Variants in DLX4 observed in about 807,000 individuals in gnomAD.
DLX4 encodes distal-less homeobox 4, also known as homeobox protein DLX-4.
A neutral mutation model predicts 17.1 loss-of-function variants in DLX4; 13 were observed. The ratio of observed to expected loss-of-function variants is 0.76; its 90% CI spans 0.49 to 1.21. The LOEUF is 1.21. Ranked by LOEUF, DLX4 falls within the 50% of genes most tolerant of loss-of-function variation. The pLI is 0.00. For synonymous variants in DLX4, 129 were observed against 140.3 expected, an observed-to-expected ratio of 0.92 and a Z score of 0.57; for missense variants, 297 against 301.4, an observed-to-expected ratio of 0.99 and a Z score of 0.11.
At position 49,969,747 on chromosome 17, in the gene DLX4, G is replaced by A. The variant is rs763930695; in HGVS notation, c.279G>A (p.Glu93=). The change falls in exon 1 of 3, where the codon GAG becomes GAA. Residue 93 remains glutamate, a synonymous_variant. Transcript: ENST00000240306. ...CTGCAGAGCACCCTCAGGAACTCGA[G>A]GCAGGTAAGTTCGGCCGTGGAGGCT... ...CGPAEHPQEL[E]ADSEKPRLSP... 13 of 1,592,060 alleles carry A rather than the reference G, an allele frequency of 8.2e-6. No homozygotes were observed. In the African/African-American group the frequency reaches 1.5e-4, roughly 18 times the overall value.
In DLX4 at chr17:49,972,299, C is replaced by T; in HGVS notation, c.284-774C>T. On this transcript the variant is annotated intron_variant, in intron 1 of 2. Transcript: ENST00000240306. This position sits in a 1 kb window ranked among gnomAD's most constrained non-coding sequence, Gnocchi z 5.4. ...GGAGTGGCCCCGCCGGGCTACGCTG[C>T]GCGCTCTTGGAACCCGGGTCACCTT... The T allele has an allele frequency of 6.6e-6, 1 of 152,474 alleles. No individual in the cohort carries two copies. Among genetic ancestry groups the T allele is most frequent in the Non-Finnish European group, 1.5e-5 (1 of 68,160 alleles). The allele number at this position is 152,474 out of a possible 1,614,324, so 9.4% of individuals were successfully genotyped here. A position where few individuals can be genotyped will look rare whatever the true frequency, so the allele number is the denominator to read the frequency against.
chr17:49,970,165 G>C (rs1347528832), intron 1 of DLX4, among the ~76,000 whole-genome samples: 1 of 152,084 alleles, frequency 6.6e-6, no homozygotes, highest in African/African-American at 2.4e-5. Context: ...CCCTCTCTGC[G>C]TTAGTCTTGT....
intron 1 of DLX4, among the ~76,000 whole-genome samples, chr17:49,970,369 C>A (rs1905464412): frequency 6.6e-6 from 1 of 152,168 alleles, no homozygotes; most frequent in Non-Finnish European, 1.5e-5. Flanking sequence ...ATCCATTGTT[C>A]TGAGAAGGTA....
rs181937458 is a variant in DLX4, at chr17:49,970,041, T to G, written c.283+290T>G. On this transcript the variant is annotated intron_variant, in intron 1 of 2. Coordinates refer to ENST00000240306, the MANE Select transcript of DLX4 (RefSeq NM_138281.3). ...CCCCACCTGGAGCAGCGGGGCTGTC[T>G]GTACCTACTAGTAACGGAAAACTGA... Among the ~76,000 whole-genome samples, 425 of 152,250 alleles carry G rather than the reference T, an allele frequency of 2.8e-3. 2 individuals carry two copies. Among genetic ancestry groups the G allele is most frequent in the African/African-American group, 9.9e-3 (412 of 41,528 alleles).
Position 49,972,568 on chromosome 17 carries a change from C to T in DLX4, c.284-505C>T, listed in dbSNP as rs77107377. 7.7e-3 allele frequency: 2,043 copies of T among 266,708 alleles called. 34 individuals are homozygous for T. The highest frequency in any genetic ancestry group is 0.043 in the African/African-American group (1,892 of 44,080). The allele number at this position is 266,708 out of a possible 1,614,324, so 16.5% of individuals were successfully genotyped here. A position where few individuals can be genotyped will look rare whatever the true frequency, so the allele number is the denominator to read the frequency against. The stretch of plus-strand genomic sequence containing the variant: ...GTATTCAAGGTCCTCTCAGCCGGGC[C>T]TCTCACCCACCCCGCTGGCCGCAGC... On this transcript the variant is annotated intron_variant, in intron 1 of 2. Coordinates refer to ENST00000240306, the MANE Select transcript of DLX4 (RefSeq NM_138281.3). The surrounding 1 kb of genome is among the most constrained non-coding windows in gnomAD (Gnocchi z 5.4).
At position 49,974,556 on chromosome 17, in the gene DLX4, GGACCTAT is replaced by G. The variant is rs1049388734; in HGVS notation, c.*615_*621del. 1 of 144,552 alleles carries G rather than the reference GGACCTAT, an allele frequency of 6.9e-6. No individual in the cohort carries two copies. Among genetic ancestry groups the G allele is most frequent in the Non-Finnish European group, 1.5e-5 (1 of 66,910 alleles). The allele number at this position is 144,552 out of a possible 1,614,324, so 9.0% of individuals were successfully genotyped here. A position where few individuals can be genotyped will look rare whatever the true frequency, so the allele number is the denominator to read the frequency against. On this transcript the variant is annotated 3_prime_UTR_variant, in exon 3 of 3. Coordinates refer to ENST00000240306, the MANE Select transcript of DLX4 (RefSeq NM_138281.3). Reference sequence around the variant, plus strand: ...AGATGCAGAGAAATGTGGAATTTGTGGACCTATGGGTAATTTATGCTTTCCTCCTAAA... The same window carrying G: ...AGATGCAGAGAAATGTGGAATTTGTGGGGTAATTTATGCTTTCCTCCTAAA...
intron 1 of DLX4, among the ~76,000 whole-genome samples, chr17:49,970,548 G>T (rs1354021099): frequency 2.0e-5 from 3 of 152,220 alleles, no homozygotes; most frequent in Non-Finnish European, 2.9e-5. Context: ...TCACTGGAAG[G>T]CCTCAATGAA....
chr17:49,973,671 CT>C, intron 2 of DLX4, 29 bp from the exon 3 acceptor site: 2 of 1,495,620 alleles, frequency 1.3e-6, no homozygotes, highest in Non-Finnish European at 1.8e-6. Flanking sequence ...TCCTCCTGAT[CT>C]TTCATTCTTT....
chr17:49,973,756 A>C lies in DLX4; in HGVS notation c.536A>C (p.Asn179Thr). ...AAGTATAAGAAGCTCCTGAAGCAGA[A>C]TTCTGGGGGGCAGGAAGGGGACTTC... ...RSKYKKLLKQ[N>T]SGGQEGDFPG... The change falls in exon 3 of 3, where the codon AAT becomes ACT. Residue 179 changes from asparagine (N) to threonine (T), a missense_variant. Coordinates refer to ENST00000240306, the MANE Select transcript of DLX4 (RefSeq NM_138281.3). The C allele has an allele frequency of 6.5e-7, 1 of 1,549,028 alleles. No homozygotes were observed.
Position 49,969,242 on chromosome 17 carries a change from A to AG in DLX4, c.-220dup, listed in dbSNP as rs1022271659. 5 of 408,438 alleles carry AG rather than the reference A, an allele frequency of 1.2e-5. No homozygotes were observed. Among genetic ancestry groups the AG allele is most frequent in the South Asian group, 6.7e-5 (1 of 14,960 alleles). 25.3% of individuals were successfully genotyped at this position (408,438 alleles called of 1,614,324 possible). A position where few individuals can be genotyped will look rare whatever the true frequency, so the allele number is the denominator to read the frequency against. ...GAGAGGAGGGGGCCCCCATGGATTT[A>AG]GGGGGGGAGGGGAAAGTCATGGGGG... On this transcript the variant is annotated 5_prime_UTR_variant, in exon 1 of 3. The change abolishes the stop of an existing upstream ORF in the 5' untranslated region. Transcript: ENST00000240306.
In DLX4 at chr17:49,972,940, G is replaced by A. The variant is rs547353326; in HGVS notation, c.284-133G>A. 1.1e-5 allele frequency: 17 copies of A among 1,496,538 alleles called. No homozygotes were observed. The African/African-American group carries it at 2.0e-4, about 17-fold the overall frequency. 92.7% of individuals were successfully genotyped at this position (1,496,538 alleles called of 1,614,324 possible). A position where few individuals can be genotyped will look rare whatever the true frequency, so the allele number is the denominator to read the frequency against. On this transcript the variant is annotated intron_variant, in intron 1 of 2. Coordinates refer to ENST00000240306, the MANE Select transcript of DLX4 (RefSeq NM_138281.3). The surrounding 1 kb of genome is among the most constrained non-coding windows in gnomAD (Gnocchi z 5.4). ...GGTAGAGGGCAGGGGCCAAGGGGGC[G>A]ATCCTGGTGGCTGCGCTTTTTGCTA...
In DLX4 at chr17:49,972,721, A is replaced by C; in HGVS notation, c.284-352A>C. On this transcript the variant is annotated intron_variant, in intron 1 of 2. Coordinates refer to ENST00000240306, the MANE Select transcript of DLX4 (RefSeq NM_138281.3). This position sits in a 1 kb window ranked among gnomAD's most constrained non-coding sequence, Gnocchi z 5.4. The stretch of plus-strand genomic sequence containing the variant: ...GGACCTAGCCTTTCTGCCCCGCCCT[A>C]CCCCAAGCTGGCGCCACCGCCCGTG... 1 of 1,359,098 alleles carries C rather than the reference A, an allele frequency of 7.4e-7. No homozygotes were observed. The highest frequency in any genetic ancestry group is 9.4e-7 in the Non-Finnish European group (1 of 1,060,380). 84.2% of individuals were successfully genotyped at this position (1,359,098 alleles called of 1,614,324 possible).
intron 2 of DLX4, 87 bp downstream of exon 2, chr17:49,973,356 G>A (rs765563815): frequency 1.3e-6 from 2 of 1,526,854 alleles, no homozygotes; most frequent in South Asian, 2.4e-5. Flanking sequence ...AATGACTGAT[G>A]GATTGGTGCT....
intron 2 of DLX4, 33 bp downstream of exon 2, chr17:49,973,302 C>A: frequency 6.2e-7 from 1 of 1,608,384 alleles, no homozygotes; most frequent in Non-Finnish European, 8.5e-7. Context: ...CCATCTCTCA[C>A]CTTCCCTGGT....
rs1905605794 is a variant in DLX4 at position 49,973,606 on chromosome 17, G to C, written c.481-95G>C. ...GCCTAGGGAACTGCTGGTCTCCCAG[G>C]ACTGTGCCTGCACCTGGATCCCTTT... On this transcript the variant is annotated intron_variant, in intron 2 of 2. Transcript: ENST00000240306. 11 of 1,436,766 alleles carry C rather than the reference G, an allele frequency of 7.7e-6. No individual in the cohort carries two copies. The South Asian group carries it at 1.3e-4, about 17-fold the overall frequency. 89.0% of individuals were successfully genotyped at this position (1,436,766 alleles called of 1,614,324 possible). A position where few individuals can be genotyped will look rare whatever the true frequency, so the allele number is the denominator to read the frequency against.
At chr17:49,969,968 G>C (rs1245955828) in intron 1 of DLX4, among the ~76,000 whole-genome samples, 1 of 152,090 alleles carries the variant, frequency 6.6e-6, no homozygotes, top group Non-Finnish European at 1.5e-5. Flanking sequence ...AACCGACCTG[G>C]TTTCGATTTG....
chr17:49,972,678 A>G lies in DLX4; in HGVS notation c.284-395A>G. On this transcript the variant is annotated intron_variant, in intron 1 of 2. Transcript: ENST00000240306. This position sits in a 1 kb window ranked among gnomAD's most constrained non-coding sequence, Gnocchi z 5.4. ...GCAATGTCCTTCCTCTGTCATCTCTAGGCCTCGGCTCAGCCCTGGACCTAG... is the reference window on the plus strand; with the variant it reads ...GCAATGTCCTTCCTCTGTCATCTCTGGGCCTCGGCTCAGCCCTGGACCTAG... 1 of 1,147,782 alleles carries G rather than the reference A, an allele frequency of 8.7e-7. No individual in the cohort carries two copies. The highest frequency in any genetic ancestry group is 1.1e-6 in the Non-Finnish European group (1 of 916,622). The allele number at this position is 1,147,782 out of a possible 1,614,324, so 71.1% of individuals were successfully genotyped here.
In DLX4 at chr17:49,973,927, C is replaced by T. The variant is rs202154782; in HGVS notation, c.707C>T (p.Ser236Leu). 3.4e-5 allele frequency: 55 copies of T among 1,606,866 alleles called. No individual in the cohort carries two copies. Among genetic ancestry groups the T allele is most frequent in the Middle Eastern group, 3.3e-4 (2 of 6,040 alleles). Reference protein sequence around the residue: ...YQHHSSDVLASPQMM With the variant: ...YQHHSSDVLALPQMM ...CATCACTCCTCAGATGTCCTGGCTT[C>T]GCCTCAGATGATGTGAATCTGGGGA... is the stretch of plus-strand genomic sequence containing the variant. Residue 236 changes from serine to leucine, a missense_variant, in exon 3 of 3, where the codon TCG becomes TTG. Ser to Leu is a moderately radical substitution (Grantham distance 145, BLOSUM62 -2). Coordinates refer to ENST00000240306, the MANE Select transcript of DLX4 (RefSeq NM_138281.3).
chr17:49,971,895 A>T (rs1295003408), intron 1 of DLX4: 1 of 152,050 alleles, frequency 6.6e-6, no homozygotes, highest in East Asian at 1.9e-4. Context: ...CGGCTGGCCG[A>T]GGGCGGGTAC....
Sources: allele counts gnomAD v4.1 joint callset (sites outside exome capture counted in the v4.1 genomes callset), GRCh38; gene constraint gnomAD v4.1.1; non-coding constraint Gnocchi (gnomAD v3.1); transcripts MANE v1.5; gene names NCBI Gene and HGNC (gene_info 2026-07-23, HGNC 2026-07-21).